The following CPM variants were observed in gnomAD, a reference collection of about 807,000 sequenced individuals.
CPM encodes the protein carboxypeptidase M.
CPM carries 35 observed loss-of-function variants against 46.4 expected under a neutral mutation model. The observed-to-expected ratio is 0.75, with a 90% confidence interval of 0.58 to 1.00. The LOEUF (loss-of-function observed/expected upper bound fraction) is 1.00, where lower values mean the gene tolerates loss of function less well. CPM is among the 50% of genes least tolerant of loss of function. The pLI is 0.00. For missense variants in CPM, 422 were observed against 530.4 expected, an observed-to-expected ratio of 0.80 and a Z score of 2.01; for synonymous variants, 195 against 195.3, an observed-to-expected ratio of 1.00 and a Z score of 0.01.
chr12:68,870,694 G>A (rs1885655745), intron 4 of CPM, among the ~76,000 whole-genome samples: 1 of 152,222 alleles, frequency 6.6e-6, no homozygotes, highest in African/African-American at 2.4e-5. Context: ...TTGGGACCTT[G>A]AGATCCCAAT....
At chr12:68,911,712 G>A (rs1166640704) in intron 2 of CPM, among the ~76,000 whole-genome samples, 1 of 152,150 alleles carries the variant, frequency 6.6e-6, no homozygotes, top group Non-Finnish European at 1.5e-5. Context: ...CATATTCTGA[G>A]CACTTTATGT....
chr12:68,872,411 CCCAG>C (rs1885746935), intron 3 of CPM, among the ~76,000 whole-genome samples: 1 of 152,002 alleles, frequency 6.6e-6, no homozygotes, highest in Non-Finnish European at 1.5e-5. Flanking sequence ...TGCCACCACG[CCCAG>C]CTAATTCTTG....
chr12:68,940,667 G>C (rs1404463970), intron 1 of CPM, among the ~76,000 whole-genome samples: 1 of 151,416 alleles, frequency 6.6e-6, no homozygotes, highest in Non-Finnish European at 1.5e-5. Flanking sequence ...CCAAACGTTT[G>C]AGTAGGACCA....
intron 7 of CPM, among the ~76,000 whole-genome samples, chr12:68,861,043 G>A (rs1182057083): frequency 6.6e-6 from 1 of 151,770 alleles, no homozygotes; most frequent in Non-Finnish European, 1.5e-5. Flanking sequence ...ACCACACCTG[G>A]CTAATTTTTG....
intron 2 of CPM, among the ~76,000 whole-genome samples, chr12:68,896,730 C>T (rs913790642): frequency 6.6e-6 from 1 of 152,104 alleles, no homozygotes; most frequent in African/African-American, 2.4e-5. Context: ...AAGTTAGATT[C>T]TTCCAACATT....
At chr12:68,882,631 C>T (rs1388434400) in intron 3 of CPM, among the ~76,000 whole-genome samples, 1 of 152,186 alleles carries the variant, frequency 6.6e-6, no homozygotes, top group Non-Finnish European at 1.5e-5. Context: ...TTTGAGAAAT[C>T]ACCACACTGC....
At chr12:68,894,800 T>C (rs1223488224) in intron 2 of CPM, among the ~76,000 whole-genome samples, 1 of 152,020 alleles carries the variant, frequency 6.6e-6, no homozygotes, top group African/African-American at 2.4e-5. Context: ...TTTGGAAGAC[T>C]GAGGAGGGCA....
chr12:68,927,596 T>C (rs964063900), intron 2 of CPM, among the ~76,000 whole-genome samples: 11 of 152,122 alleles, frequency 7.2e-5, no homozygotes, highest in African/African-American at 2.7e-4. Flanking sequence ...ATTTTGGCTT[T>C]TGTTGCCATT....
rs1884909456 is a variant in CPM at position 68,855,176 on chromosome 12, T to A, written c.*1261A>T. ...TGCCTGGCCAACACCAACCTTTAGT[T>A]ACTTGCTGAATACACAGGATTAAGG... On this transcript the variant is annotated 3_prime_UTR_variant, in exon 9 of 9. Transcript: ENST00000551568. 1 of 152,176 alleles carries A rather than the reference T, an allele frequency of 6.6e-6. No homozygotes were observed. The highest frequency in any genetic ancestry group is 1.5e-5 in the Non-Finnish European group (1 of 68,118). 9.4% of individuals were successfully genotyped at this position (152,176 alleles called of 1,614,324 possible).
At chr12:68,949,746 A>G (rs1262152687) in intron 1 of CPM, among the ~76,000 whole-genome samples, 1 of 152,208 alleles carries the variant, frequency 6.6e-6, no homozygotes, top group East Asian at 1.9e-4. Context: ...AAGCAAGCGA[A>G]CACAGTTGAG....
chr12:68,869,591 A>G (rs1409444114), intron 5 of CPM, 96 bp from the exon 6 acceptor site: 5 of 1,079,302 alleles, frequency 4.6e-6, no homozygotes, highest in Non-Finnish European at 6.6e-6. Context: ...CATCACACAC[A>G]CATGCTCTAA....
chr12:68,851,129 T>C (rs1013907229), downstream of CPM: 1 of 152,580 alleles, frequency 6.6e-6, no homozygotes, highest in African/African-American at 2.4e-5. Flanking sequence ...TTGTTATACT[T>C]GCATAAGTAC....
intron 1 of CPM, among the ~76,000 whole-genome samples, chr12:68,948,333 A>G (rs1432693199): frequency 6.6e-6 from 1 of 152,120 alleles, no homozygotes; most frequent in Non-Finnish European, 1.5e-5. Context: ...TGGAAGAGAG[A>G]TGAGGGCCTG....
At chr12:68,905,461 T>C (rs1887305076) in intron 2 of CPM, among the ~76,000 whole-genome samples, 2 of 150,456 alleles carry the variant, frequency 1.3e-5, no homozygotes, top group Non-Finnish European at 3.0e-5. Context: ...TTGTACTTTT[T>C]GTAAAGACAG....
upstream of CPM, among the ~76,000 whole-genome samples, chr12:68,935,916 C>A (rs11614909): frequency 0.12 from 17,497 of 152,082 alleles, 1,034 homozygotes; most frequent in Non-Finnish European, 0.12. Flanking sequence ...TGGCTGGAGA[C>A]TGGAAGAAAT....
chr12:68,890,042 T>C (rs994542170), intron 2 of CPM, among the ~76,000 whole-genome samples: 4 of 152,158 alleles, frequency 2.6e-5, no homozygotes, highest in Admixed American at 6.5e-5. Context: ...ACCCAGGTGC[T>C]CATTAAAACA....
intron 2 of CPM, among the ~76,000 whole-genome samples, chr12:68,904,086 C>T (rs1423882293): frequency 6.6e-6 from 1 of 152,108 alleles, no homozygotes; most frequent in Admixed American, 6.6e-5. Context: ...CACTTTGTTG[C>T]CCAGGCTGGT....
intron 3 of CPM, among the ~76,000 whole-genome samples, chr12:68,884,546 C>T (rs1886349090): frequency 6.6e-6 from 1 of 152,146 alleles, no homozygotes; most frequent in Admixed American, 6.6e-5. Context: ...GAGCATGCCA[C>T]CCATACTATT....
At chr12:68,933,598 C>T (rs1404613130), upstream of CPM, among the ~76,000 whole-genome samples, 1 of 152,110 alleles carries the variant, frequency 6.6e-6, no homozygotes, top group African/African-American at 2.4e-5. Flanking sequence ...CCACCTGGAG[C>T]CGGGACGCAT....
Sources: gnomAD v4.1 joint callset for allele counts (sites outside exome capture counted in the v4.1 genomes callset) on GRCh38, gnomAD v4.1.1 for gene constraint, MANE v1.5 for transcripts, NCBI Gene and HGNC (gene_info 2026-07-23, HGNC 2026-07-21) for gene names.